The following ZHX3 variants were observed in gnomAD, a reference collection of about 807,000 sequenced individuals.
ZHX3 encodes zinc fingers and homeoboxes 3.
A neutral mutation model predicts 64.5 loss-of-function variants in ZHX3; 20 were observed. That is an observed-to-expected ratio of 0.31 (90% CI 0.22 to 0.45). The LOEUF (loss-of-function observed/expected upper bound fraction) is 0.45. Ranked by LOEUF, ZHX3 falls within the 20% of genes least tolerant of loss-of-function variation. The pLI is 1.00. For missense variants in ZHX3, 1,041 were observed against 1,195.8 expected (o/e 0.87, Z 1.91); for synonymous variants, 423 against 461.6 (o/e 0.92, Z 1.07).
At chr20:41,206,192 G>A (rs1367000114) in intron 2 of ZHX3, among the ~76,000 whole-genome samples, 1 of 152,156 alleles carries the variant, frequency 6.6e-6, no homozygotes, top group Admixed American at 6.5e-5. Flanking sequence ...ACAAAGATGG[G>A]GAGAAACCAG....
intron 2 of ZHX3, among the ~76,000 whole-genome samples, chr20:41,230,507 C>T (rs2146380987): frequency 6.6e-6 from 1 of 152,250 alleles, no homozygotes; most frequent in South Asian, 2.1e-4. Context: ...CATGTATGTA[C>T]TGAGTATCTG....
chr20:41,276,105 T>C (rs1418008883), intron 1 of ZHX3, among the ~76,000 whole-genome samples: 1 of 152,148 alleles, frequency 6.6e-6, no homozygotes, highest in Non-Finnish European at 1.5e-5. Context: ...AGAGGCATCC[T>C]GGGCCCCTCA....
At chr20:41,267,321 C>T (rs2042912663) in intron 2 of ZHX3, 1 of 152,198 alleles carries the variant, frequency 6.6e-6, no homozygotes. Flanking sequence ...CGCTGTTTAG[C>T]AGGCTTTTAA....
Position 41,185,146 on chromosome 20 carries a change from G to A in ZHX3, c.*45C>T. 1 of 1,600,144 alleles carries A rather than the reference G, an allele frequency of 6.2e-7. No homozygotes were observed. The highest frequency in any genetic ancestry group is 8.5e-7 in the Non-Finnish European group (1 of 1,172,572). On this transcript the variant is annotated 3_prime_UTR_variant, in exon 4 of 4. Transcript: ENST00000683867. The surrounding 1 kb of genome is among the most constrained non-coding windows in gnomAD (Gnocchi z 5.0). Reference sequence around the variant, plus strand: ...CGGGTTTGGCTCTTCCACGTGGCAGGCGGTTTCCCAGACTGGCCAGTCCTT... The same window carrying A: ...CGGGTTTGGCTCTTCCACGTGGCAGACGGTTTCCCAGACTGGCCAGTCCTT...
At chr20:41,278,306 G>GT (rs1401419772) in intron 1 of ZHX3, among the ~76,000 whole-genome samples, 3 of 138,044 alleles carry the variant, frequency 2.2e-5, no homozygotes, top group Non-Finnish European at 4.7e-5. Context: ...TTGTGCCACT[G>GT]TAACTCCAGC....
chr20:41,225,641 C>T (rs1186142504), intron 2 of ZHX3, among the ~76,000 whole-genome samples: 1 of 152,160 alleles, frequency 6.6e-6, no homozygotes, highest in Non-Finnish European at 1.5e-5. Context: ...GCACCTACCA[C>T]CACGCAGGGC....
rs1159347313 is a variant in ZHX3, at chr20:41,200,471, TA to T, written c.2860+1585del. ...GCTCTGCATTATAAAAAAGTTAAAC[TA>T]GCCATAAAAACCTGTTGTTCTGACT... On this transcript the variant is annotated intron_variant, in intron 3 of 3. Coordinates refer to ENST00000683867, the MANE Select transcript of ZHX3 (RefSeq NM_001384317.1). This position sits in a 1 kb window ranked among gnomAD's most constrained non-coding sequence, Gnocchi z 4.2. 6.6e-6 allele frequency among the ~76,000 whole-genome samples: 1 copy of T among 152,192 alleles called. No homozygotes were observed. The highest frequency in any genetic ancestry group is 1.5e-5 in the Non-Finnish European group (1 of 68,030).
chr20:41,317,068 C>T (rs1270868158), intron 1 of ZHX3: 1 of 152,442 alleles, frequency 6.6e-6, no homozygotes, highest in East Asian at 1.9e-4. Context: ...GGCGTGGACG[C>T]AGGCGGCTCT....
chr20:41,191,384 A>C (rs1231093564), intron 3 of ZHX3, among the ~76,000 whole-genome samples: 1 of 152,174 alleles, frequency 6.6e-6, no homozygotes, highest in Non-Finnish European at 1.5e-5. Context: ...TATGACATAT[A>C]TCTCTTTGAT....
At chr20:41,311,321 G>A (rs760033392) in intron 1 of ZHX3, among the ~76,000 whole-genome samples, 95 of 152,118 alleles carry the variant, frequency 6.2e-4, no homozygotes, top group Non-Finnish European at 1.1e-3. Flanking sequence ...TATGAGATAA[G>A]AACTATTATT....
At chr20:41,209,079 C>T (rs1476791366) in intron 2 of ZHX3, among the ~76,000 whole-genome samples, 1 of 152,202 alleles carries the variant, frequency 6.6e-6, no homozygotes, top group Non-Finnish European at 1.5e-5. Flanking sequence ...CATGAGTGAA[C>T]TCCCATTCAC....
At chr20:41,252,743 C>T (rs1028139560) in intron 2 of ZHX3, among the ~76,000 whole-genome samples, 1 of 152,142 alleles carries the variant, frequency 6.6e-6, no homozygotes, top group Non-Finnish European at 1.5e-5. Flanking sequence ...AAGGAGACAA[C>T]ACAGAATATA....
intron 1 of ZHX3, among the ~76,000 whole-genome samples, chr20:41,313,324 G>GA (rs1219736278): frequency 6.6e-6 from 1 of 152,162 alleles, no homozygotes; most frequent in Non-Finnish European, 1.5e-5. Flanking sequence ...TGGAACCAGA[G>GA]AAAGGGTGGG....
intron 1 of ZHX3, among the ~76,000 whole-genome samples, chr20:41,308,590 T>A (rs1183184705): frequency 3.9e-5 from 6 of 152,172 alleles, no homozygotes; most frequent in Admixed American, 3.3e-4. Context: ...ACAATGCAAC[T>A]CAAATTCAGA....
chr20:41,213,881 C>T (rs1186574841), intron 2 of ZHX3: 1 of 152,174 alleles, frequency 6.6e-6, no homozygotes, highest in Admixed American at 6.6e-5. Context: ...TCATTTGAGG[C>T]CAGGAGTTCG....
At chr20:41,312,341 G>C (rs947115045) in intron 1 of ZHX3, among the ~76,000 whole-genome samples, 2 of 152,186 alleles carry the variant, frequency 1.3e-5, no homozygotes, top group African/African-American at 4.8e-5. Flanking sequence ...AGCCACCCCA[G>C]CCAGTAGCAG....
Position 41,178,705 on chromosome 20 carries a change from T to G in ZHX3, c.*6486A>C, listed in dbSNP as rs2036137552. 6.6e-6 allele frequency: 1 copy of G among 152,628 alleles called. No individual in the cohort carries two copies. Among genetic ancestry groups the G allele is most frequent in the South Asian group, 2.1e-4 (1 of 4,822 alleles). 9.5% of individuals were successfully genotyped at this position (152,628 alleles called of 1,614,324 possible). A position where few individuals can be genotyped will look rare whatever the true frequency, so the allele number is the denominator to read the frequency against. Reference sequence around the variant, plus strand: ...GCACGACCACAGTCCAAACCGAAGTTAAGTTCCATTTTTTTGTTAAAACGT... The same window carrying G: ...GCACGACCACAGTCCAAACCGAAGTGAAGTTCCATTTTTTTGTTAAAACGT... On this transcript the variant is annotated 3_prime_UTR_variant, in exon 4 of 4. Coordinates refer to ENST00000683867, the MANE Select transcript of ZHX3 (RefSeq NM_001384317.1).
At chr20:41,303,399 A>G (rs1213370036) in intron 1 of ZHX3, among the ~76,000 whole-genome samples, 1 of 152,212 alleles carries the variant, frequency 6.6e-6, no homozygotes, top group Non-Finnish European at 1.5e-5. Flanking sequence ...TCAAAACACA[A>G]TGAGAAGCAA....
At chr20:41,211,927 G>A (rs1360664749) in intron 2 of ZHX3, among the ~76,000 whole-genome samples, 1 of 152,154 alleles carries the variant, frequency 6.6e-6, no homozygotes. Flanking sequence ...CCAAATCAGG[G>A]AAACTAAAAA....
Sources: allele counts gnomAD v4.1 joint callset (sites outside exome capture counted in the v4.1 genomes callset), GRCh38; gene constraint gnomAD v4.1.1; non-coding constraint Gnocchi (gnomAD v3.1); transcripts MANE v1.5; gene names NCBI Gene and HGNC (gene_info 2026-07-23, HGNC 2026-07-21).